Variants in DHX34 observed in about 807,000 individuals in gnomAD.
DHX34 encodes DExH-box helicase 34.
In DHX34, 96 loss-of-function variants were observed where a neutral mutation model predicts 111.1. That is an observed-to-expected ratio of 0.86 (90% CI 0.73 to 1.02). The LOEUF (loss-of-function observed/expected upper bound fraction) is 1.02. Ranked by LOEUF, DHX34 falls within the 50% of genes least tolerant of loss-of-function variation. The pLI is 0.00. For synonymous variants in DHX34, 688 were observed against 670.4 expected (o/e 1.03, Z -0.41); for missense variants, 1,560 against 1,579.9 (o/e 0.99, Z 0.21).
chr19:47,354,744 G>A (rs1395775885), intron 2 of DHX34, among the ~76,000 whole-genome samples: 1 of 152,110 alleles, frequency 6.6e-6, no homozygotes, highest in Non-Finnish European at 1.5e-5. Context: ...TCCGCCTCCC[G>A]GGTTTAGGTG....
rs754641186 is a variant in DHX34 at position 47,353,591 on chromosome 19, C to T, written c.561C>T (p.Thr187=). The change falls in exon 2 of 17, where the codon ACC becomes ACT. Residue 187 remains threonine, a synonymous_variant. Coordinates refer to ENST00000328771, the MANE Select transcript of DHX34 (RefSeq NM_014681.6). This position sits in a 1 kb window ranked among gnomAD's most constrained non-coding sequence, Gnocchi z 4.6. ...EHQVVVVAGD[T]GCGKSTQVPQ... Reference sequence around the variant, plus strand: ...AGGTGGTGGTAGTGGCCGGTGACACCGGCTGTGGCAAGTCCACTCAGGTGC... The same window carrying T: ...AGGTGGTGGTAGTGGCCGGTGACACTGGCTGTGGCAAGTCCACTCAGGTGC... 1.9e-5 allele frequency: 30 copies of T among 1,612,926 alleles called. No individual in the cohort carries two copies. The highest frequency in any genetic ancestry group is 6.7e-5 in the African/African-American group (5 of 74,926).
rs1485154960 is a variant in DHX34, at chr19:47,381,284, T to C, written c.3258T>C (p.His1086=). The C allele has an allele frequency of 6.2e-7, 1 of 1,612,332 alleles. No homozygotes were observed. Among genetic ancestry groups the C allele is most frequent in the Non-Finnish European group, 8.5e-7 (1 of 1,178,492 alleles). The change falls in exon 16 of 17, where the codon CAT becomes CAC. Residue 1086 remains histidine (H), a synonymous_variant. Transcript: ENST00000328771. ...TCACGCCCCTGGAGCGCATCGCCCA[T>C]GAGAACACCTGCCCCCAGGCCCCAC... The part of the protein sequence containing the change: ...APLTPLERIA[H]ENTCPQAPQD...
At chr19:47,379,360 TCA>T (rs1970276317) in intron 13 of DHX34, among the ~76,000 whole-genome samples, 1 of 152,150 alleles carries the variant, frequency 6.6e-6, no homozygotes, top group African/African-American at 2.4e-5. Context: ...ACTTCCGTCC[TCA>T]CAGAGGAGCG....
At chr19:47,378,187 G>T (rs1970231047) in intron 13 of DHX34, among the ~76,000 whole-genome samples, 1 of 152,158 alleles carries the variant, frequency 6.6e-6, no homozygotes, top group Non-Finnish European at 1.5e-5. Flanking sequence ...GAGCCTCAGG[G>T]TTTTGTTGAC....
intron 2 of DHX34, among the ~76,000 whole-genome samples, chr19:47,354,619 G>A (rs778584399): frequency 2.4e-4 from 37 of 151,956 alleles, no homozygotes; most frequent in Admixed American, 4.6e-4. Context: ...GAGTCTGATG[G>A]GTAGGCATGG....
At chr19:47,379,560 G>C in intron 13 of DHX34, 150 bp from the exon 14 acceptor site, 1 of 1,461,896 alleles carries the variant, frequency 6.8e-7, no homozygotes. Context: ...ACCCGAAGGG[G>C]TGCCTGGTAC....
chr19:47,381,133 G>A (rs1204103759), intron 15 of DHX34, 53 bp from the exon 16 acceptor site: 1 of 1,604,968 alleles, frequency 6.2e-7, no homozygotes, highest in Non-Finnish European at 8.5e-7. Flanking sequence ...GGGGCACTTG[G>A]GTGGTGGGTG....
In DHX34 at chr19:47,375,648, C is replaced by T. The variant is rs1275964106; in HGVS notation, c.2247C>T (p.Ser749=). The T allele has an allele frequency of 6.4e-7, 1 of 1,555,510 alleles. No homozygotes were observed. Among genetic ancestry groups the T allele is most frequent in the South Asian group, 1.2e-5 (1 of 85,778 alleles). ...LRLQEEQDGG[S]SDEDRAGPAP... is the part of the protein sequence containing the mutation. The stretch of plus-strand genomic sequence containing the variant: ...TGCAGGAGGAGCAGGACGGCGGCTC[C>T]AGTGACGAGGACAGGGCTGGCCCAG... The change falls in exon 10 of 17, where the codon TCC becomes TCT. Residue 749 remains serine (S), a synonymous_variant. Coordinates refer to ENST00000328771, the MANE Select transcript of DHX34 (RefSeq NM_014681.6).
intron 7 of DHX34, among the ~76,000 whole-genome samples, chr19:47,368,582 A>C (rs1969866471): frequency 6.6e-6 from 1 of 150,762 alleles, no homozygotes; most frequent in Admixed American, 6.6e-5. Context: ...CTGTGATTAC[A>C]GGCTTGAGCC....
Position 47,379,813 on chromosome 19 carries a change from TCC to T in DHX34, c.2811_2812del (p.Ile937MetfsTer108), listed in dbSNP as rs1181328496. 1 of 1,613,832 alleles carries T rather than the reference TCC, an allele frequency of 6.2e-7. No individual in the cohort carries two copies. The highest frequency in any genetic ancestry group is 1.1e-5 in the South Asian group (1 of 91,084). On this transcript the variant is annotated frameshift_variant, in exon 14 of 17. Coordinates refer to ENST00000328771, the MANE Select transcript of DHX34 (RefSeq NM_014681.6). LOFTEE classifies it high-confidence loss of function. ...CAGCTAGCAGACAGTGAAAGTGCCA[TCC>T]GACTCCTGGCGGCTTCCCTGCGGCT...
chr19:47,376,167 C>T lies in DHX34; in HGVS notation c.2481+70C>T, dbSNP rs370047319. On this transcript the variant is annotated intron_variant, in intron 11 of 16. Transcript: ENST00000328771. ...CGAACCCTGAGTGCCTGTCCTGTGC[C>T]GGGAATGCAGTGGTGACTGAAACAA... The T allele has an allele frequency of 5.6e-4, 843 of 1,513,456 alleles. 2 individuals are homozygous for T. Among genetic ancestry groups the T allele is most frequent in the Non-Finnish European group, 5.8e-4 (656 of 1,134,138 alleles). 93.8% of individuals were successfully genotyped at this position (1,513,456 alleles called of 1,614,324 possible).
intron 9 of DHX34, among the ~76,000 whole-genome samples, chr19:47,374,556 G>A (rs1420518348): frequency 6.6e-6 from 1 of 152,066 alleles, no homozygotes; most frequent in African/African-American, 2.4e-5. Flanking sequence ...CCTTTTCCAT[G>A]GTTGTATCCA....
At position 47,375,603 on chromosome 19, in the gene DHX34, C is replaced by T. The variant is rs1219405231; in HGVS notation, c.2202C>T (p.Arg734=). 6.5e-7 allele frequency: 1 copy of T among 1,547,728 alleles called. No individual in the cohort carries two copies. The highest frequency in any genetic ancestry group is 2.0e-5 in the Admixed American group (1 of 50,952). The part of the protein sequence containing the change: ...LKRQHEEGAG[R]RRKVLRLQEE... ...GCCAGCACGAGGAGGGCGCGGGGCG[C>T]AGGCGCAAGGTGCTGCGGCTGCAGG... Residue 734 remains arginine (R), a synonymous_variant, in exon 10 of 17, where the codon CGC becomes CGT. Transcript: ENST00000328771.
chr19:47,366,535 C>T (rs1008494537), intron 6 of DHX34, among the ~76,000 whole-genome samples: 1 of 151,582 alleles, frequency 6.6e-6, no homozygotes, highest in African/African-American at 2.4e-5. Flanking sequence ...CCTGCTGTGG[C>T]CTCCCAAAGT....
intron 7 of DHX34, among the ~76,000 whole-genome samples, chr19:47,371,505 C>T (rs947112542): frequency 2.0e-5 from 3 of 152,198 alleles, no homozygotes; most frequent in Admixed American, 6.5e-5. Context: ...TCCCTGGTGA[C>T]AGAGCTGGGG....
chr19:47,352,814 C>A lies in DHX34; in HGVS notation c.-217C>A. 1 of 886,784 alleles carries A rather than the reference C, an allele frequency of 1.1e-6. No individual in the cohort carries two copies. Among genetic ancestry groups the A allele is most frequent in the Non-Finnish European group, 1.6e-6 (1 of 606,544 alleles). 54.9% of individuals were successfully genotyped at this position (886,784 alleles called of 1,614,324 possible). Reference sequence around the variant, plus strand: ...CCATCCCAGAGATCACTGCAGATGTCATGAGGTACCCTTTGTGTCACCAGC... The same window carrying A: ...CCATCCCAGAGATCACTGCAGATGTAATGAGGTACCCTTTGTGTCACCAGC... On this transcript the variant is annotated 5_prime_UTR_variant, in exon 2 of 17. The change creates a premature stop within an existing upstream ORF in the 5' untranslated region. Transcript: ENST00000328771.
Position 47,377,962 on chromosome 19 carries a change from C to T in DHX34, c.2706+756C>T, listed in dbSNP as rs563810492. Among the ~76,000 whole-genome samples the T allele has an allele frequency of 1.1e-4, 17 of 152,242 alleles. No individual in the cohort carries two copies. The South Asian group carries it at 1.7e-3, about 15-fold the overall frequency. On this transcript the variant is annotated intron_variant, in intron 13 of 16. Coordinates refer to ENST00000328771, the MANE Select transcript of DHX34 (RefSeq NM_014681.6). Reference sequence around the variant, plus strand: ...GTCTTTGTGATCCTAGGCCTGGCCTCGGAGTCCTCACGCAGCCCTGTGGGT... The same window carrying T: ...GTCTTTGTGATCCTAGGCCTGGCCTTGGAGTCCTCACGCAGCCCTGTGGGT...
In DHX34 at chr19:47,375,690, T is replaced by C. The variant is rs199976902; in HGVS notation, c.2289T>C (p.Ser763=). The change falls in exon 10 of 17, where the codon AGT becomes AGC. Residue 763 remains serine, a synonymous_variant. Transcript: ENST00000328771. ...CTGGCCCAGCCCCCCCAGGGGCCAG[T>C]GATGGCGTGGACATCCAGGTGGGCG... The part of the protein sequence containing the change: ...DRAGPAPPGA[S]DGVDIQDVKF... 80 of 1,558,518 alleles carry C rather than the reference T, an allele frequency of 5.1e-5. 1 individual carries two copies. In the African/African-American group the frequency reaches 6.5e-4, roughly 13 times the overall value.
intron 10 of DHX34, 42 bp downstream of exon 10, chr19:47,375,750 G>T: frequency 6.4e-7 from 1 of 1,561,036 alleles, no homozygotes. Context: ...TTACCAAGGT[G>T]GGCCTTGGCC....
Sources: allele counts gnomAD v4.1 joint callset (sites outside exome capture counted in the v4.1 genomes callset), GRCh38; gene constraint gnomAD v4.1.1; non-coding constraint Gnocchi (gnomAD v3.1); transcripts MANE v1.5; gene names NCBI Gene and HGNC (gene_info 2026-07-23, HGNC 2026-07-21).